The following ARB2A variants were observed in gnomAD, a reference collection of about 807,000 sequenced individuals.
ARB2A encodes the protein ARB2 cotranscriptional regulator A.
chr5:93,994,672 C>T, the ARB2A span, among the ~76,000 whole-genome samples: 2 of 151,888 alleles, frequency 1.3e-5, no homozygotes, highest in East Asian at 3.9e-4. Context: ...ATAGACAAAC[C>T]ACATAGCCTA....
At chr5:93,776,190 G>A in the ARB2A span, 1 of 1,610,374 alleles carries the variant, frequency 6.2e-7, no homozygotes, top group Non-Finnish European at 8.5e-7. Flanking sequence ...CAGGTAGCAT[G>A]GACTCCACTG....
At chr5:93,657,936 T>C in the ARB2A span, among the ~76,000 whole-genome samples, 1 of 152,224 alleles carries the variant, frequency 6.6e-6, no homozygotes, top group Admixed American at 6.5e-5. Flanking sequence ...AAATTTGCTA[T>C]ATAATATGCA....
chr5:94,033,613 C>T, the ARB2A span, among the ~76,000 whole-genome samples: 1 of 152,024 alleles, frequency 6.6e-6, no homozygotes, highest in Non-Finnish European at 1.5e-5. Context: ...TTTGCAGAGA[C>T]GGGGTTTCAC....
chr5:94,105,780 A>C, the ARB2A span, among the ~76,000 whole-genome samples: 1 of 151,872 alleles, frequency 6.6e-6, no homozygotes, highest in African/African-American at 2.4e-5. Context: ...AAAAAAAAAA[A>C]AACAGACACA....
chr5:94,068,008 T>C, the ARB2A span, among the ~76,000 whole-genome samples: 2 of 152,216 alleles, frequency 1.3e-5, no homozygotes, highest in Non-Finnish European at 2.9e-5. Context: ...GGCTCATGCC[T>C]GTAATCCCAG....
chr5:93,706,762 A>C, the ARB2A span, among the ~76,000 whole-genome samples: 1 of 151,594 alleles, frequency 6.6e-6, no homozygotes, highest in Non-Finnish European at 1.5e-5. Context: ...GCTACTCGGG[A>C]GGCTGAGGCA....
chr5:93,960,453 G>A, the ARB2A span, among the ~76,000 whole-genome samples: 1 of 152,108 alleles, frequency 6.6e-6, no homozygotes, highest in Admixed American at 6.5e-5. Flanking sequence ...TTTTGCAAAT[G>A]TGTTTATTCA....
chr5:93,831,897 C>CCT, the ARB2A span, among the ~76,000 whole-genome samples: 1 of 152,118 alleles, frequency 6.6e-6, no homozygotes, highest in Admixed American at 6.5e-5. Context: ...TTCAGCTTGA[C>CCT]TAAGGTCAAG....
chr5:93,718,648 A>T, the ARB2A span, among the ~76,000 whole-genome samples: 1 of 152,194 alleles, frequency 6.6e-6, no homozygotes, highest in Admixed American at 6.5e-5. Flanking sequence ...TGTTCCCAGG[A>T]AATGAAAGAC....
the ARB2A span, among the ~76,000 whole-genome samples, chr5:93,874,750 T>C: frequency 6.6e-6 from 1 of 152,094 alleles, no homozygotes; most frequent in East Asian, 1.9e-4. Context: ...CTTGTGAAAC[T>C]GAACTCTTTA....
the ARB2A span, among the ~76,000 whole-genome samples, chr5:93,910,374 T>A: frequency 6.6e-6 from 1 of 151,214 alleles, no homozygotes; most frequent in Non-Finnish European, 1.5e-5. Context: ...AACATTTTTT[T>A]AAATGCAGTA....
the ARB2A span, among the ~76,000 whole-genome samples, chr5:93,633,057 G>A: frequency 6.6e-6 from 1 of 152,144 alleles, no homozygotes; most frequent in Non-Finnish European, 1.5e-5. Context: ...CTCTTCTACT[G>A]AGTTCTTCAC....
the ARB2A span, among the ~76,000 whole-genome samples, chr5:93,746,635 C>T: frequency 6.6e-6 from 1 of 152,152 alleles, no homozygotes. Context: ...ACAACCACCA[C>T]ACAGTCAGAG....
chr5:93,738,730 C>T, the ARB2A span: 1 of 152,132 alleles, frequency 6.6e-6, no homozygotes, highest in African/African-American at 2.4e-5. Flanking sequence ...TGTATGGTTC[C>T]ATGAATATGA....
chr5:93,771,637 T>G, the ARB2A span, among the ~76,000 whole-genome samples: 1 of 151,996 alleles, frequency 6.6e-6, no homozygotes, highest in African/African-American at 2.4e-5. Context: ...CATCAAAAAG[T>G]GGGCAAAGGA....
the ARB2A span, among the ~76,000 whole-genome samples, chr5:93,658,421 G>C: frequency 1.3e-5 from 2 of 151,976 alleles, no homozygotes. Flanking sequence ...TATAAAAAAT[G>C]GGTTGAAGAT....
At chr5:93,822,309 C>T in the ARB2A span, among the ~76,000 whole-genome samples, 1 of 152,060 alleles carries the variant, frequency 6.6e-6, no homozygotes, top group Non-Finnish European at 1.5e-5. Flanking sequence ...GGAGAAATAT[C>T]CACCAGTGTG....
the ARB2A span, among the ~76,000 whole-genome samples, chr5:93,822,799 A>C: frequency 6.6e-6 from 1 of 152,110 alleles, no homozygotes; most frequent in Non-Finnish European, 1.5e-5. Context: ...GCATAGTTAA[A>C]ATTAGTTGAA....
At chr5:93,618,326 C>T in the ARB2A span, 1 of 151,992 alleles carries the variant, frequency 6.6e-6, no homozygotes, top group Non-Finnish European at 1.5e-5. Context: ...CTTTAAGTTT[C>T]GACGGGACTA....
Sources: allele counts gnomAD v4.1 joint callset (sites outside exome capture counted in the v4.1 genomes callset), GRCh38; gene constraint gnomAD v4.1.1; transcripts MANE v1.5; gene names NCBI Gene and HGNC (gene_info 2026-07-23, HGNC 2026-07-21).